ARHGAP6: variants seen among roughly 807,000 people sequenced by gnomAD.
The protein encoded by ARHGAP6 is Rho GTPase activating protein 6.
ARHGAP6 carries 16 observed loss-of-function variants against 55.7 expected under a neutral mutation model. That is an observed-to-expected ratio of 0.29 (90% confidence interval 0.19 to 0.44). The LOEUF is 0.44. Ranked by LOEUF, ARHGAP6 falls within the 20% of genes least tolerant of loss-of-function variation. ARHGAP6 has a pLI of 1.00. For missense variants in ARHGAP6, 698 were observed against 808.9 expected (o/e 0.86, Z 1.66); for synonymous variants, 382 against 360.9 (o/e 1.06, Z -0.66).
chrX:11,218,756 G>A (rs2046917348), intron 2 of ARHGAP6, among the ~76,000 whole-genome samples: 1 of 111,789 alleles, frequency 8.9e-6, no homozygotes, highest in Non-Finnish European at 1.9e-5. Flanking sequence ...GTGTGGAGGT[G>A]TTTATAGTAT....
At chrX:11,505,524 T>C (rs1299695607) in intron 1 of ARHGAP6, among the ~76,000 whole-genome samples, 1 of 111,037 alleles carries the variant, frequency 9.0e-6, no homozygotes, top group Non-Finnish European at 1.9e-5. Flanking sequence ...AGAACCAACG[T>C]TCAACCCAGA....
chrX:11,575,274 A>T (rs973377843), intron 1 of ARHGAP6, among the ~76,000 whole-genome samples: 1 of 111,985 alleles, frequency 8.9e-6, no homozygotes, highest in East Asian at 2.8e-4. Flanking sequence ...GAATCCCCAC[A>T]TGGTAGCCTG....
chrX:11,632,771 T>A (rs762125587), intron 1 of ARHGAP6, among the ~76,000 whole-genome samples: 42 of 112,420 alleles, frequency 3.7e-4, no homozygotes, highest in Non-Finnish European at 6.9e-4. Flanking sequence ...CATATGTAGT[T>A]TAAAACATGC....
chrX:11,347,933 A>G (rs1206046308), intron 1 of ARHGAP6, among the ~76,000 whole-genome samples: 1 of 112,014 alleles, frequency 8.9e-6, no homozygotes, highest in Non-Finnish European at 1.9e-5. Flanking sequence ...GCTGGTATAC[A>G]CACTCACAAA....
At chrX:11,540,702 T>C (rs777868163) in intron 1 of ARHGAP6, among the ~76,000 whole-genome samples, 2 of 112,342 alleles carry the variant, frequency 1.8e-5, no homozygotes, top group African/African-American at 3.2e-5. Flanking sequence ...GAAAATTCTA[T>C]AGAAGAACAT....
chrX:11,412,403 C>A, intron 1 of ARHGAP6, among the ~76,000 whole-genome samples: 1 of 112,025 alleles, frequency 8.9e-6, no homozygotes, highest in Non-Finnish European at 1.9e-5. Context: ...TGGTCTCCTT[C>A]AAATTTGGAT....
Position 11,384,430 on chromosome X carries a change from C to T in ARHGAP6, c.589-129723G>A, listed in dbSNP as rs185693239. On this transcript the variant is annotated intron_variant, in intron 1 of 12. Transcript: ENST00000337414. ...ACAGTTTAATCAACAACAAAAAACT[C>T]TGTGAAAAGTCATGAGAACACATAT... Among the ~76,000 whole-genome samples, 96 of 112,127 alleles carry T rather than the reference C, an allele frequency of 8.6e-4. 2 individuals carry two copies. In the East Asian group the frequency reaches 0.015, roughly 18 times the overall value.
chrX:11,194,524 A>G (rs752402959), intron 3 of ARHGAP6, among the ~76,000 whole-genome samples: 2 of 111,946 alleles, frequency 1.8e-5, no homozygotes, highest in East Asian at 5.6e-4. Flanking sequence ...GATCACTGAC[A>G]CTTTCACCTT....
At chrX:11,540,083 G>A (rs1434929012) in intron 1 of ARHGAP6, among the ~76,000 whole-genome samples, 4 of 109,294 alleles carry the variant, frequency 3.7e-5, no homozygotes, top group African/African-American at 1.0e-4. Context: ...GTGAAACCCC[G>A]TCTGTACTAA....
intron 1 of ARHGAP6, among the ~76,000 whole-genome samples, chrX:11,544,886 A>T (rs1194015661): frequency 8.9e-6 from 1 of 112,734 alleles, no homozygotes; most frequent in Non-Finnish European, 1.9e-5. Context: ...GCTATTTGTC[A>T]GAAATTAAAA....
chrX:11,392,585 C>T (rs995616213), intron 1 of ARHGAP6, among the ~76,000 whole-genome samples: 1 of 111,404 alleles, frequency 9.0e-6, no homozygotes, highest in African/African-American at 3.3e-5. Context: ...TTGGAGGAGG[C>T]TTTACATTTA....
chrX:11,344,678 C>CA (rs34123570), intron 1 of ARHGAP6, among the ~76,000 whole-genome samples: 428 of 28,283 alleles, frequency 0.015, 18 homozygotes, highest in Middle Eastern at 0.032. Flanking sequence ...AACTCCATCA[C>CA]AAAAAAAAAA....
At chrX:11,193,377 T>G (rs189419343) in intron 3 of ARHGAP6, among the ~76,000 whole-genome samples, 1 of 112,697 alleles carries the variant, frequency 8.9e-6, no homozygotes, top group Non-Finnish European at 1.9e-5. Context: ...AATACGCAAC[T>G]GGAAGGAAAT....
chrX:11,211,885 C>T (rs1245233332), intron 2 of ARHGAP6, among the ~76,000 whole-genome samples: 1 of 111,666 alleles, frequency 9.0e-6, no homozygotes, highest in South Asian at 3.8e-4. Flanking sequence ...AAGGAAAACA[C>T]CTTTAACTTA....
intron 1 of ARHGAP6, among the ~76,000 whole-genome samples, chrX:11,259,109 A>T (rs2047526204): frequency 9.0e-6 from 1 of 111,649 alleles, no homozygotes; most frequent in Non-Finnish European, 1.9e-5. Flanking sequence ...TTTTGTAGCC[A>T]TTAACTATCC....
chrX:11,313,428 G>C (rs1415999053), intron 1 of ARHGAP6, among the ~76,000 whole-genome samples: 1 of 112,035 alleles, frequency 8.9e-6, no homozygotes, highest in Non-Finnish European at 1.9e-5. Context: ...AAGGCAAGCT[G>C]GGTCCTGATT....
chrX:11,633,233 G>A (rs1444892022), intron 1 of ARHGAP6, among the ~76,000 whole-genome samples: 1 of 112,438 alleles, frequency 8.9e-6, no homozygotes, highest in Non-Finnish European at 1.9e-5. Flanking sequence ...GCTGGTAACA[G>A]CTACGGCTAC....
chrX:11,340,480 A>C (rs57028693), intron 1 of ARHGAP6, among the ~76,000 whole-genome samples: 6,247 of 111,502 alleles, frequency 0.056, 214 homozygotes, highest in African/African-American at 0.12. Context: ...CTGTAATCCC[A>C]GCAGTTTGGG....
At chrX:11,319,425 G>A (rs1286902786) in intron 1 of ARHGAP6, among the ~76,000 whole-genome samples, 1 of 111,555 alleles carries the variant, frequency 9.0e-6, no homozygotes, top group African/African-American at 3.3e-5. Flanking sequence ...CTTCAACAGG[G>A]CCTGAGAATT....
Sources: allele counts gnomAD v4.1 joint callset (sites outside exome capture counted in the v4.1 genomes callset), GRCh38; gene constraint gnomAD v4.1.1; transcripts MANE v1.5; gene names NCBI Gene and HGNC (gene_info 2026-07-23, HGNC 2026-07-21).